TNR: variants seen among roughly 807,000 people sequenced by gnomAD.
TNR encodes the protein tenascin R.
TNR carries 45 observed loss-of-function variants against 150.4 expected under a neutral mutation model. The observed-to-expected ratio is 0.30, with a 90% CI of 0.24 to 0.38. The LOEUF is 0.38. Ranked by LOEUF, TNR falls within the 10% of genes least tolerant of loss-of-function variation. The pLI, the probability that TNR is intolerant of heterozygous loss-of-function variation, is 1.00. For synonymous variants in TNR, 687 were observed against 678.4 expected (o/e 1.01, Z -0.20); for missense variants, 1,544 against 1,759.1 (o/e 0.88, Z 2.19).
Position 175,334,390 on chromosome 1 carries a change from G to A in TNR, c.3631+1321C>T, listed in dbSNP as rs139620210. Among the ~76,000 whole-genome samples, 40 of 152,302 alleles carry A rather than the reference G, an allele frequency of 2.6e-4. No homozygotes were observed. In the East Asian group the frequency reaches 5.8e-3, roughly 22 times the overall value. ...CTGAAACTACCTTTGCAAGACTAAC[G>A]AAAGGCCAAGAGATTAGGATTACGG... On this transcript the variant is annotated intron_variant, in intron 20 of 22. Coordinates refer to ENST00000367674, the MANE Select transcript of TNR (RefSeq NM_003285.3).
At chr1:175,533,021 G>C (rs188541733) in intron 1 of TNR, among the ~76,000 whole-genome samples, 372 of 152,302 alleles carry the variant, frequency 2.4e-3, no homozygotes, top group African/African-American at 8.3e-3. Context: ...ACAAAGCAAG[G>C]ATCAACTGGG....
At chr1:175,581,818 G>T (rs1662360547) in intron 1 of TNR, among the ~76,000 whole-genome samples, 1 of 152,184 alleles carries the variant, frequency 6.6e-6, no homozygotes, top group South Asian at 2.1e-4. Context: ...TCAGTAACAA[G>T]TCAGTATTTC....
At chr1:175,607,511 C>G (rs1266374059) in intron 1 of TNR, among the ~76,000 whole-genome samples, 1 of 152,246 alleles carries the variant, frequency 6.6e-6, no homozygotes, top group African/African-American at 2.4e-5. Context: ...GGCAGCTCTG[C>G]TTTCCTGACC....
rs146730026 is a variant in TNR, at chr1:175,600,674, C to A, written c.-164-72305G>T. ...GCAGAACCCCAGCCCCTGCTTTACTCCTGAAGCTATGCTCCCTGGCGTAGT... is the reference window on the plus strand; with the variant it reads ...GCAGAACCCCAGCCCCTGCTTTACTACTGAAGCTATGCTCCCTGGCGTAGT... On this transcript the variant is annotated intron_variant, in intron 1 of 22. Coordinates refer to ENST00000367674, the MANE Select transcript of TNR (RefSeq NM_003285.3). 1.4e-3 allele frequency among the ~76,000 whole-genome samples: 208 copies of A among 152,358 alleles called. 1 individual carries two copies. Among genetic ancestry groups the A allele is most frequent in the African/African-American group, 4.9e-3 (202 of 41,580 alleles).
At chr1:175,605,226 A>G (rs1663370711) in intron 1 of TNR, among the ~76,000 whole-genome samples, 1 of 152,206 alleles carries the variant, frequency 6.6e-6, no homozygotes, top group Admixed American at 6.5e-5. Context: ...CAGCTCTTCC[A>G]TTTATTCACT....
intron 1 of TNR, among the ~76,000 whole-genome samples, chr1:175,731,370 T>A (rs1037874561): frequency 6.6e-6 from 1 of 152,326 alleles, no homozygotes; most frequent in Admixed American, 6.5e-5. Flanking sequence ...TTGGCAGTAA[T>A]CAATAGCAAT....
chr1:175,365,259 G>T lies in TNR; in HGVS notation c.2338C>A (p.Leu780Met). 6.2e-7 allele frequency: 1 copy of T among 1,610,722 alleles called. No homozygotes were observed. Among genetic ancestry groups the T allele is most frequent in the Non-Finnish European group, 8.5e-7 (1 of 1,177,614 alleles). The change falls in exon 12 of 23, where the codon CTG becomes ATG. Residue 780 changes from leucine to methionine, a missense_variant. By Grantham distance (15) the Leu-to-Met change is conservative. This residue lies in a region of TNR where 1,254 missense variants were observed against 1,329.4 expected (regional missense o/e 0.94). Coordinates refer to ENST00000367674, the MANE Select transcript of TNR (RefSeq NM_003285.3). ...GAGGAGGTCACATGAGAAAAGTGCAGATGAGAGATGGGACGGAAGCCTGCA... is the reference window on the plus strand; with the variant it reads ...GAGGAGGTCACATGAGAAAAGTGCATATGAGAGATGGGACGGAAGCCTGCA... ...AFTGFRPISH[L>M]HFSHVTSSSV... is the part of the protein sequence containing the mutation.
chr1:175,345,332 G>A (rs533341085), intron 18 of TNR, among the ~76,000 whole-genome samples: 22 of 152,244 alleles, frequency 1.4e-4, no homozygotes, highest in African/African-American at 5.3e-4. Context: ...AGGGACACGA[G>A]CTCACAGGCC....
intron 1 of TNR, among the ~76,000 whole-genome samples, chr1:175,716,966 C>A (rs1286943290): frequency 1.3e-5 from 2 of 152,198 alleles, no homozygotes; most frequent in Non-Finnish European, 2.9e-5. Flanking sequence ...TTTACCCACT[C>A]TGTGACCTTT....
intron 1 of TNR, among the ~76,000 whole-genome samples, chr1:175,712,698 C>T (rs539087839): frequency 6.6e-6 from 1 of 152,016 alleles, no homozygotes; most frequent in South Asian, 2.1e-4. Flanking sequence ...TGAGATCACC[C>T]ACCCTCTCTC....
At chr1:175,723,200 T>C (rs1254364082) in intron 1 of TNR, among the ~76,000 whole-genome samples, 1 of 152,258 alleles carries the variant, frequency 6.6e-6, no homozygotes, top group African/African-American at 2.4e-5. Context: ...TTTTCCCACA[T>C]AGCTTTCTTC....
At chr1:175,341,320 C>T (rs1650514055) in intron 18 of TNR, among the ~76,000 whole-genome samples, 1 of 152,190 alleles carries the variant, frequency 6.6e-6, no homozygotes, top group African/African-American at 2.4e-5. Context: ...ATAACTGGAG[C>T]CTAGACCGAT....
chr1:175,570,967 CT>C (rs1420118567), intron 1 of TNR, among the ~76,000 whole-genome samples: 1 of 152,182 alleles, frequency 6.6e-6, no homozygotes, highest in Non-Finnish European at 1.5e-5. Flanking sequence ...GTTGACATTC[CT>C]TGAGGTGCAT....
rs758144942 is a variant in TNR at position 175,705,784 on chromosome 1, GACA to G, written c.-165+37439_-165+37441del. ...GTCAGGATATTAACAAATATAAGCC[GACA>G]ACAACATTGCCCCAAGATTATAACT... On this transcript the variant is annotated intron_variant, in intron 1 of 22. Transcript: ENST00000367674. Among the ~76,000 whole-genome samples, 115 of 152,224 alleles carry G rather than the reference GACA, an allele frequency of 7.6e-4. 1 individual carries two copies. Among genetic ancestry groups the G allele is most frequent in the Non-Finnish European group, 1.3e-3 (91 of 68,010 alleles).
intron 1 of TNR, among the ~76,000 whole-genome samples, chr1:175,621,626 A>G (rs774985009): frequency 1.3e-5 from 2 of 152,190 alleles, no homozygotes; most frequent in Admixed American, 6.5e-5. Context: ...CACAGCTAGC[A>G]CTTGCTTGAT....
intron 20 of TNR, 137 bp downstream of exon 20, chr1:175,335,574 G>T: frequency 1.3e-6 from 1 of 775,546 alleles, no homozygotes; most frequent in Non-Finnish European, 2.2e-6. Flanking sequence ...AGAGCAAGAG[G>T]TTCTGAAAGC....
intron 1 of TNR, among the ~76,000 whole-genome samples, chr1:175,726,152 G>A (rs1489179504): frequency 1.3e-5 from 2 of 152,048 alleles, no homozygotes; most frequent in Non-Finnish European, 2.9e-5. Flanking sequence ...GTGCTATTGG[G>A]TATGCTAAAG....
At chr1:175,639,958 A>G (rs1664602277) in intron 1 of TNR, among the ~76,000 whole-genome samples, 1 of 152,200 alleles carries the variant, frequency 6.6e-6, no homozygotes, top group South Asian at 2.1e-4. Flanking sequence ...GACAATCTCC[A>G]TGAGAATGTA....
intron 2 of TNR, among the ~76,000 whole-genome samples, chr1:175,472,507 G>A (rs758140423): frequency 6.6e-6 from 1 of 152,146 alleles, no homozygotes; most frequent in Non-Finnish European, 1.5e-5. Context: ...AGTGTGGTAG[G>A]TTTGTTTACA....
Sources: gnomAD v4.1 joint callset for allele counts (sites outside exome capture counted in the v4.1 genomes callset) on GRCh38, gnomAD v4.1.1 for gene constraint, gnomAD v4.1.1 regional missense constraint, MANE v1.5 for transcripts, NCBI Gene and HGNC (gene_info 2026-07-23, HGNC 2026-07-21) for gene names.